Variants in XPO5 observed in about 807,000 individuals in gnomAD.
XPO5 encodes the protein exportin-5.
Under a neutral mutation model 160.6 loss-of-function variants are expected in XPO5, and 46 were observed. The ratio of observed to expected loss-of-function variants is 0.29; its 90% CI spans 0.23 to 0.37. XPO5 has a LOEUF of 0.37. XPO5 is among the 10% of genes least tolerant of loss of function. The probability of loss-of-function intolerance (pLI) is 1.00; values close to 1 mark genes in which losing one functional copy is unlikely to be tolerated. For missense variants in XPO5, 1,090 were observed against 1,463.9 expected (o/e 0.74, Z 4.17); for synonymous variants, 537 against 519.3 (o/e 1.03, Z -0.46).
At chr6:43,544,594 G>A (rs891439928) in intron 20 of XPO5, among the ~76,000 whole-genome samples, 3 of 152,172 alleles carry the variant, frequency 2.0e-5, no homozygotes, top group South Asian at 2.1e-4. Context: ...TCACTTTCAC[G>A]TTTCTCTAGC....
rs1162378311 is a variant in XPO5 at position 43,569,318 on chromosome 6, AT to A, written c.622-582del. On this transcript the variant is annotated intron_variant, in intron 5 of 31. Coordinates refer to ENST00000265351, the MANE Select transcript of XPO5 (RefSeq NM_020750.3). ...AAAAAAAAAAAAACAACAAAAAAAAATACATATATATATGATGTTAAATACA... is the reference window on the plus strand; with the variant it reads ...AAAAAAAAAAAAACAACAAAAAAAAAACATATATATATGATGTTAAATACA... 2.4e-4 allele frequency among the ~76,000 whole-genome samples: 37 copies of A among 151,948 alleles called. No individual in the cohort carries two copies. The Middle Eastern group carries it at 0.01, about 42-fold the overall frequency.
At chr6:43,544,331 A>T (rs535281392) in intron 20 of XPO5, 1 of 153,200 alleles carries the variant, frequency 6.5e-6, no homozygotes, top group African/African-American at 2.4e-5. Context: ...TAGAGGAAAA[A>T]ACTGGAGAAA....
intron 25 of XPO5, 21 bp downstream of exon 25, chr6:43,528,138 G>A (rs1165824044): frequency 6.3e-7 from 1 of 1,582,380 alleles, no homozygotes. Flanking sequence ...CCACCAAGAA[G>A]AGTGGGTAGG....
Position 43,570,003 on chromosome 6 carries a change from CTTTTTTTTTT to C in XPO5, c.621+489_621+498del, listed in dbSNP as rs35322286. Among the ~76,000 whole-genome samples the C allele has an allele frequency of 1.1e-4, 9 of 85,384 alleles. No individual in the cohort carries two copies. In the South Asian group the frequency reaches 1.8e-3, roughly 17 times the overall value. 56.0% of individuals were successfully genotyped at this position (85,384 alleles called of 152,430 possible). ...GGCTGCAGTAAGCCGAGATCCCTATCTTTTTTTTTTTTTTTTTTTTTTTTTTTAAAAAAGG... is the reference window on the plus strand; with the variant it reads ...GGCTGCAGTAAGCCGAGATCCCTATCTTTTTTTTTTTTTTTTTAAAAAAGG... On this transcript the variant is annotated intron_variant, in intron 5 of 31. Transcript: ENST00000265351.
At position 43,523,887 on chromosome 6, in the gene XPO5, G is replaced by A. The variant is rs1037364083; in HGVS notation, c.3596C>T (p.Ala1199Val). ...EVLDNDGGGL[A>V]TIFEP ...CTTGATTCAGGGTTCAAAGATGGTG[G>A]CCAGGCCACCCCCATCATTGTCCAG... Residue 1199 changes from alanine to valine, a missense_variant, in exon 32 of 32, where the codon GCC (alanine) becomes GTC (valine). By Grantham distance (64) the Ala-to-Val change is moderately conservative. Around this residue, in one of 3 missense-constraint regions of XPO5, gnomAD observed 810 missense variants for 1,139.0 expected, o/e 0.71. Transcript: ENST00000265351. The A allele has an allele frequency of 1.2e-6, 2 of 1,614,016 alleles. No homozygotes were observed. Among genetic ancestry groups the A allele is most frequent in the Admixed American group, 3.3e-5 (2 of 60,024 alleles).
chr6:43,575,664 G>T, intron 1 of XPO5, 96 bp downstream of exon 1: 1 of 1,142,556 alleles, frequency 8.8e-7, no homozygotes. Context: ...CAGGGGCCGC[G>T]TGGGCGGGAG....
Position 43,575,749 on chromosome 6 carries a change from A to ACCCCAGCT in XPO5, c.105+3_105+10dup. The ACCCCAGCT allele has an allele frequency of 1.2e-6, 2 of 1,607,210 alleles. No individual in the cohort carries two copies. The highest frequency in any genetic ancestry group is 1.7e-6 in the Non-Finnish European group (2 of 1,175,746). ...GTCGGGACCGGCCCAGGACGCCAGG[A>ACCCCAGCT]CCCCAGCTACCTTGAGGGCTTCCAG... is the stretch of plus-strand genomic sequence containing the variant. On this transcript the variant is annotated intron_variant, in intron 1 of 31. Transcript: ENST00000265351.
chr6:43,535,426 C>T (rs2127713037), intron 20 of XPO5, among the ~76,000 whole-genome samples: 1 of 151,970 alleles, frequency 6.6e-6, no homozygotes, highest in East Asian at 1.9e-4. Flanking sequence ...CCAGTCTCTA[C>T]TAAAAATATA....
chr6:43,551,269 A>G (rs970815582), intron 15 of XPO5, 29 bp downstream of exon 15: 1 of 1,534,824 alleles, frequency 6.5e-7, no homozygotes, highest in African/African-American at 1.4e-5. Context: ...ATGTCAAAAT[A>G]AAATTTACAA....
chr6:43,570,836 T>A, intron 4 of XPO5, 21 bp downstream of exon 4: 3 of 1,580,904 alleles, frequency 1.9e-6, no homozygotes, highest in Non-Finnish European at 2.6e-6. Flanking sequence ...TATACCAAAC[T>A]GATATAGCTG....
chr6:43,564,968 T>C (rs572587671), intron 8 of XPO5, among the ~76,000 whole-genome samples: 1 of 151,388 alleles, frequency 6.6e-6, no homozygotes, highest in East Asian at 2.0e-4. Flanking sequence ...TGTTGCCCAG[T>C]CTGGAGTAGA....
At chr6:43,538,471 T>C (rs1208912341) in intron 20 of XPO5, among the ~76,000 whole-genome samples, 1 of 152,098 alleles carries the variant, frequency 6.6e-6, no homozygotes, top group East Asian at 1.9e-4. Flanking sequence ...CTAAGAGATA[T>C]CTTAAATATA....
rs1396670918 is a variant in XPO5 at position 43,548,267 on chromosome 6, A to G, written c.2054T>C (p.Met685Thr). 1 of 1,608,852 alleles carries G rather than the reference A, an allele frequency of 6.2e-7. No homozygotes were observed. Among genetic ancestry groups the G allele is most frequent in the East Asian group, 2.2e-5 (1 of 44,814 alleles). ...PVASIWLSQD[M>T]HRVLSDVDAF... ...GGCAAGGGATCTCCTTTACCTGTGC[A>G]TGTCTTGAGAAAGCCAGATGCTGGC... Residue 685 changes from methionine (M) to threonine (T), a missense_variant, in exon 18 of 32, where the codon ATG becomes ACG. Met to Thr is a moderately conservative substitution (Grantham distance 81, BLOSUM62 -1). Around this residue, in one of 3 missense-constraint regions of XPO5, gnomAD observed 810 missense variants for 1,139.0 expected, o/e 0.71. Coordinates refer to ENST00000265351, the MANE Select transcript of XPO5 (RefSeq NM_020750.3).
chr6:43,560,104 C>G (rs1379280208), intron 11 of XPO5, 74 bp downstream of exon 11: 11 of 1,524,728 alleles, frequency 7.2e-6, no homozygotes, highest in Non-Finnish European at 8.9e-6. Context: ...TAGGCGTGAG[C>G]CACCGCACCC....
At chr6:43,568,264 G>A (rs569566565) in intron 6 of XPO5, among the ~76,000 whole-genome samples, 3 of 152,098 alleles carry the variant, frequency 2.0e-5, no homozygotes, top group East Asian at 1.9e-4. Context: ...CCGAGATCGC[G>A]CCACTGCACT....
intron 13 of XPO5, 57 bp downstream of exon 13, chr6:43,555,779 T>C: frequency 1.2e-6 from 2 of 1,605,090 alleles, no homozygotes; most frequent in Non-Finnish European, 1.7e-6. Flanking sequence ...ATTTCCTATA[T>C]ATAGTTTTGA....
chr6:43,542,661 A>G (rs142968836), intron 20 of XPO5, among the ~76,000 whole-genome samples: 1 of 152,156 alleles, frequency 6.6e-6, no homozygotes, highest in East Asian at 1.9e-4. Flanking sequence ...CATGACCTCA[A>G]GTGATTCACC....
chr6:43,525,750 ACT>A (rs1793544363), intron 28 of XPO5, 87 bp downstream of exon 28: 1 of 1,374,940 alleles, frequency 7.3e-7, no homozygotes, highest in Non-Finnish European at 9.9e-7. Context: ...ATTACAAAAA[ACT>A]CTTGATAGCA....
chr6:43,560,412 T>C (rs1762357800), intron 10 of XPO5, 109 bp from the exon 11 acceptor site: 2 of 1,342,098 alleles, frequency 1.5e-6, no homozygotes, highest in African/African-American at 1.5e-5. Flanking sequence ...ATCTGTACAA[T>C]ACTTTGAAGC....
Sources: allele counts gnomAD v4.1 joint callset (sites outside exome capture counted in the v4.1 genomes callset), GRCh38; gene constraint gnomAD v4.1.1; regional missense constraint gnomAD v4.1.1; transcripts MANE v1.5; gene names NCBI Gene and HGNC (gene_info 2026-07-23, HGNC 2026-07-21).